PSAT1: variants seen among roughly 807,000 people sequenced by gnomAD.
PSAT1 encodes the protein phosphoserine aminotransferase 1.
Under a neutral mutation model 40.3 loss-of-function variants are expected in PSAT1, and 41 were observed. The observed-to-expected ratio is 1.02, with a 90% CI of 0.79 to 1.32. The LOEUF is 1.32. PSAT1 is among the 40% of genes most tolerant of loss of function. PSAT1 has a pLI of 0.00. For synonymous variants in PSAT1, 147 were observed against 170.5 expected (o/e 0.86, Z 1.07); for missense variants, 406 against 455.8 (o/e 0.89, Z 0.99).
At chr9:78,320,678 T>C (rs1828417352) in intron 7 of PSAT1, among the ~76,000 whole-genome samples, 1 of 45,200 alleles carries the variant, frequency 2.2e-5, no homozygotes, top group Admixed American at 2.6e-4. Flanking sequence ...CATCTGTCCA[T>C]CCATCCAACC....
At chr9:78,327,196 C>T (rs7038041) in intron 7 of PSAT1, among the ~76,000 whole-genome samples, 60,146 of 150,398 alleles carry the variant, frequency 0.4, 13,924 homozygotes, top group African/African-American at 0.63. Context: ...CTCCTGACCT[C>T]GTGATCCACC....
chr9:78,300,964 G>C (rs891124398), intron 2 of PSAT1, among the ~76,000 whole-genome samples: 6 of 152,016 alleles, frequency 3.9e-5, no homozygotes, highest in African/African-American at 1.4e-4. Context: ...TCTGAAACTC[G>C]TGGCCTGAAG....
In PSAT1 at chr9:78,300,710, C is replaced by CTTTTTTTTTT. The variant is rs753207413; in HGVS notation, c.121+61_121+70dup. Reference sequence around the variant, plus strand: ...GTGAATGTCCATGTTTCAAAGGAAGCTTTTTTTTTTTTTTTTTTTTTTAGA... The same window carrying CTTTTTTTTTT: ...GTGAATGTCCATGTTTCAAAGGAAGCTTTTTTTTTTTTTTTTTTTTTTTTTTTTTTTTAGA... On this transcript the variant is annotated intron_variant, in intron 2 of 8. Coordinates refer to ENST00000376588, the MANE Select transcript of PSAT1 (RefSeq NM_058179.4). 3.3e-6 allele frequency: 3 copies of CTTTTTTTTTT among 908,584 alleles called. 1 individual carries two copies. The highest frequency in any genetic ancestry group is 5.4e-5 in the African/African-American group (2 of 37,232). 56.3% of individuals were successfully genotyped at this position (908,584 alleles called of 1,614,324 possible).
intron 7 of PSAT1, among the ~76,000 whole-genome samples, chr9:78,325,074 A>G (rs879357192): frequency 1.3e-5 from 2 of 152,200 alleles, no homozygotes; most frequent in African/African-American, 2.4e-5. Flanking sequence ...AACACAATAT[A>G]GAATCCAAAA....
At chr9:78,304,057 C>A (rs1389332807) in intron 3 of PSAT1, among the ~76,000 whole-genome samples, 1 of 152,212 alleles carries the variant, frequency 6.6e-6, no homozygotes, top group Non-Finnish European at 1.5e-5. Flanking sequence ...CCCTGCCCAA[C>A]ATCCACCTGG....
intron 4 of PSAT1, 31 bp downstream of exon 4, chr9:78,304,971 C>T (rs962980938): frequency 3.1e-6 from 5 of 1,603,254 alleles, no homozygotes; most frequent in Admixed American, 3.3e-5. Context: ...TGGGTGGTGA[C>T]GTGCTCAATG....
chr9:78,299,697 G>C (rs185186981), intron 1 of PSAT1, among the ~76,000 whole-genome samples: 134 of 151,922 alleles, frequency 8.8e-4, no homozygotes, highest in African/African-American at 3.2e-3. Flanking sequence ...ATTTTTAGTA[G>C]AGACGGGGTT....
intron 7 of PSAT1, 84 bp downstream of exon 7, chr9:78,317,888 T>C: frequency 6.8e-7 from 1 of 1,463,312 alleles, no homozygotes; most frequent in South Asian, 1.1e-5. Context: ...AAAGTGGACA[T>C]ATTCACCTTT....
chr9:78,306,898 G>A (rs1393441221), intron 5 of PSAT1, among the ~76,000 whole-genome samples: 10 of 152,216 alleles, frequency 6.6e-5, no homozygotes, highest in African/African-American at 2.4e-4. Context: ...CGTTTTATGA[G>A]TGGCTTGCCA....
In PSAT1 at chr9:78,329,994, G is replaced by A. The variant is rs1231699471; in HGVS notation, c.*908G>A. On this transcript the variant is annotated 3_prime_UTR_variant, in exon 9 of 9. Transcript: ENST00000376588. Reference sequence around the variant, plus strand: ...TGTTTTCTTTGTAATGTATGACTACGAGAGTGATACTTTGCTGAAAAGTCT... The same window carrying A: ...TGTTTTCTTTGTAATGTATGACTACAAGAGTGATACTTTGCTGAAAAGTCT... 2.0e-5 allele frequency: 3 copies of A among 152,106 alleles called. No individual in the cohort carries two copies. Among genetic ancestry groups the A allele is most frequent in the Non-Finnish European group, 2.9e-5 (2 of 68,032 alleles). 9.4% of individuals were successfully genotyped at this position (152,106 alleles called of 1,614,324 possible).
At chr9:78,300,141 C>T (rs902904853) in intron 1 of PSAT1, among the ~76,000 whole-genome samples, 6 of 152,174 alleles carry the variant, frequency 3.9e-5, no homozygotes, top group Non-Finnish European at 8.8e-5. Context: ...GAATCTTATT[C>T]ACAGCAGGCT....
At chr9:78,318,106 C>A (rs1318996711) in intron 7 of PSAT1, among the ~76,000 whole-genome samples, 1 of 152,158 alleles carries the variant, frequency 6.6e-6, no homozygotes, top group African/African-American at 2.4e-5. Context: ...CCCGTCTACT[C>A]CCTCCTTTGT....
intron 7 of PSAT1, among the ~76,000 whole-genome samples, chr9:78,326,955 A>ATATATTT: frequency 2.6e-5 from 2 of 75,932 alleles, no homozygotes; most frequent in African/African-American, 1.9e-4. Flanking sequence ...ATATATATAT[A>ATATATTT]TTTTTTTTTT....
At chr9:78,323,246 T>C (rs541979706) in intron 7 of PSAT1, among the ~76,000 whole-genome samples, 8 of 152,276 alleles carry the variant, frequency 5.3e-5, no homozygotes, top group Non-Finnish European at 7.4e-5. Context: ...CAAGAGCAAG[T>C]GTAGGAAAAG....
intron 7 of PSAT1, among the ~76,000 whole-genome samples, chr9:78,321,924 T>C (rs975385117): frequency 6.6e-6 from 1 of 152,090 alleles, no homozygotes; most frequent in Non-Finnish European, 1.5e-5. Flanking sequence ...ATATATAATA[T>C]AAGGATTGAG....
chr9:78,325,749 C>G (rs1285901620), intron 7 of PSAT1, among the ~76,000 whole-genome samples: 1 of 152,226 alleles, frequency 6.6e-6, no homozygotes, highest in Non-Finnish European at 1.5e-5. Flanking sequence ...CAGCCCCATA[C>G]TAGAGACACT....
intron 6 of PSAT1, among the ~76,000 whole-genome samples, chr9:78,316,144 G>A (rs1828340010): frequency 6.6e-6 from 1 of 152,160 alleles, no homozygotes; most frequent in South Asian, 2.1e-4. Flanking sequence ...GCTCCTCAGT[G>A]TTTCATATTT....
chr9:78,318,557 G>A (rs1255035885), intron 7 of PSAT1, among the ~76,000 whole-genome samples: 1 of 152,132 alleles, frequency 6.6e-6, no homozygotes, highest in African/African-American at 2.4e-5. Context: ...GCCATGCCTT[G>A]CCTCCTTTAG....
intron 7 of PSAT1, among the ~76,000 whole-genome samples, chr9:78,327,585 G>A (rs1315002153): frequency 2.0e-5 from 3 of 152,088 alleles, no homozygotes; most frequent in Admixed American, 1.3e-4. Context: ...ACAGCTTGGG[G>A]CAATACACCA....
Sources: allele counts gnomAD v4.1 joint callset (sites outside exome capture counted in the v4.1 genomes callset), GRCh38; gene constraint gnomAD v4.1.1; transcripts MANE v1.5; gene names NCBI Gene and HGNC (gene_info 2026-07-23, HGNC 2026-07-21).